Variants in CDKAL1 observed in about 807,000 individuals in gnomAD.
The protein encoded by CDKAL1 is CDKAL1 threonylcarbamoyladenosine tRNA methylthiotransferase, also known as threonylcarbamoyladenosine tRNA methylthiotransferase.
CDKAL1 carries 32 observed loss-of-function variants against 68.2 expected under a neutral mutation model. That is an observed-to-expected ratio of 0.47 (90% CI 0.35 to 0.63). The LOEUF (loss-of-function observed/expected upper bound fraction) is 0.63, where lower values mean the gene tolerates loss of function less well. Ranked by LOEUF, CDKAL1 falls within the 30% of genes least tolerant of loss-of-function variation. The pLI is 0.00. For missense variants in CDKAL1, 606 were observed against 696.7 expected (o/e 0.87, Z 1.47); for synonymous variants, 234 against 244.3 (o/e 0.96, Z 0.39).
intron 13 of CDKAL1, among the ~76,000 whole-genome samples, chr6:21,136,878 G>A (rs927026094): frequency 8.6e-5 from 13 of 152,012 alleles, no homozygotes; most frequent in African/African-American, 2.2e-4. Flanking sequence ...TTCTTTGGAC[G>A]CCTTCTCAAA....
At chr6:20,869,909 G>A (rs1025502732) in intron 9 of CDKAL1, among the ~76,000 whole-genome samples, 1 of 152,074 alleles carries the variant, frequency 6.6e-6, no homozygotes, top group African/African-American at 2.4e-5. Context: ...AAAATAAGAC[G>A]ATCTAGCATC....
rs150432909 is a variant in CDKAL1, at chr6:20,669,723, A to G, written c.371+20346A>G. On this transcript the variant is annotated intron_variant, in intron 5 of 15. Coordinates refer to ENST00000274695, the MANE Select transcript of CDKAL1 (RefSeq NM_017774.3). ...GAGCACTTCCTTATTTCCCGGCACC[A>G]TAAGTTCAGGCTTATCGTGTACTTT... Among the ~76,000 whole-genome samples, 743 of 152,242 alleles carry G rather than the reference A, an allele frequency of 4.9e-3. 5 individuals carry two copies. The highest frequency in any genetic ancestry group is 0.017 in the African/African-American group (696 of 41,552).
intron 12 of CDKAL1, among the ~76,000 whole-genome samples, chr6:21,093,716 T>A (rs1387442435): frequency 3.3e-5 from 4 of 122,920 alleles, no homozygotes; most frequent in African/African-American, 7.2e-5. Flanking sequence ...TTTTTTTTTT[T>A]TTTTTTTTTT....
intron 9 of CDKAL1, among the ~76,000 whole-genome samples, chr6:20,940,479 A>T (rs1763917258): frequency 6.6e-6 from 1 of 152,230 alleles, no homozygotes; most frequent in Non-Finnish European, 1.5e-5. Context: ...AAGCAAAAAG[A>T]TACAGGTTAA....
intron 9 of CDKAL1, among the ~76,000 whole-genome samples, chr6:20,885,669 C>CT (rs1228702174): frequency 1.3e-5 from 2 of 152,142 alleles, no homozygotes; most frequent in Non-Finnish European, 2.9e-5. Context: ...CTTCATCAGA[C>CT]TTTAAACTGT....
chr6:20,566,560 A>T (rs1222613437), intron 4 of CDKAL1, among the ~76,000 whole-genome samples: 1 of 152,212 alleles, frequency 6.6e-6, no homozygotes, highest in East Asian at 1.9e-4. Flanking sequence ...TAAGTACTGT[A>T]AGCTTTTAAT....
chr6:21,140,633 G>A (rs1319552186), intron 13 of CDKAL1, among the ~76,000 whole-genome samples: 6 of 152,114 alleles, frequency 3.9e-5, no homozygotes, highest in Non-Finnish European at 8.8e-5. Context: ...CTGGCATTAC[G>A]CTCCCAGGGG....
chr6:21,147,246 A>C (rs1265936985), intron 13 of CDKAL1, among the ~76,000 whole-genome samples: 1 of 152,228 alleles, frequency 6.6e-6, no homozygotes, highest in Non-Finnish European at 1.5e-5. Flanking sequence ...ATTTAGTATA[A>C]AGAATGCTCA....
intron 12 of CDKAL1, among the ~76,000 whole-genome samples, chr6:21,079,976 C>CTCTG (rs1554171489): frequency 2.2e-5 from 3 of 135,750 alleles, no homozygotes; most frequent in African/African-American, 8.3e-5. Flanking sequence ...AACTTTGTCT[C>CTCTG]TGTGTGTGTG....
chr6:20,677,882 T>C (rs926153433), intron 5 of CDKAL1, among the ~76,000 whole-genome samples: 14 of 152,210 alleles, frequency 9.2e-5, no homozygotes, highest in Admixed American at 9.2e-4. Flanking sequence ...TATTTCTCCT[T>C]TCACCCAAAA....
intron 4 of CDKAL1, among the ~76,000 whole-genome samples, chr6:20,583,264 A>G (rs796112162): frequency 1.3e-5 from 2 of 152,236 alleles, no homozygotes; most frequent in Admixed American, 6.5e-5. Context: ...TTCTGTTTTC[A>G]TAGTATCTTG....
At chr6:20,883,803 A>G (rs938996843) in intron 9 of CDKAL1, among the ~76,000 whole-genome samples, 1 of 152,234 alleles carries the variant, frequency 6.6e-6, no homozygotes, top group Non-Finnish European at 1.5e-5. Context: ...TTACAATAAC[A>G]TGACAGGAGG....
chr6:20,689,405 T>C (rs908318514), intron 5 of CDKAL1, among the ~76,000 whole-genome samples: 5 of 152,212 alleles, frequency 3.3e-5, no homozygotes, highest in African/African-American at 1.2e-4. Context: ...CTCAGGCAAA[T>C]TGTGATTTTT....
chr6:21,134,761 G>A (rs1428358453), intron 13 of CDKAL1, among the ~76,000 whole-genome samples: 1 of 152,056 alleles, frequency 6.6e-6, no homozygotes, highest in African/African-American at 2.4e-5. Flanking sequence ...TATATAAAAT[G>A]TAATGCAGGG....
At chr6:20,989,669 T>G (rs1766686958) in intron 10 of CDKAL1, among the ~76,000 whole-genome samples, 1 of 152,180 alleles carries the variant, frequency 6.6e-6, no homozygotes, top group Non-Finnish European at 1.5e-5. Flanking sequence ...TTTTCTTAAA[T>G]GGAACAAAGG....
At chr6:20,868,980 T>G (rs1035807700) in intron 9 of CDKAL1, among the ~76,000 whole-genome samples, 8 of 152,166 alleles carry the variant, frequency 5.3e-5, no homozygotes, top group African/African-American at 1.9e-4. Flanking sequence ...GGGCTTTGCA[T>G]GTATAGAAGC....
intron 9 of CDKAL1, among the ~76,000 whole-genome samples, chr6:20,865,133 A>G (rs1008053736): frequency 6.6e-6 from 1 of 152,186 alleles, no homozygotes; most frequent in African/African-American, 2.4e-5. Context: ...GTTTTGCTGA[A>G]GCACAGAGAG....
At chr6:20,966,916 T>C (rs1206481232) in intron 10 of CDKAL1, among the ~76,000 whole-genome samples, 1 of 152,184 alleles carries the variant, frequency 6.6e-6, no homozygotes, top group Non-Finnish European at 1.5e-5. Context: ...TTGTTGTTTC[T>C]ATATTCTTCC....
At chr6:20,697,528 G>A (rs1296310989) in intron 5 of CDKAL1, among the ~76,000 whole-genome samples, 1 of 152,060 alleles carries the variant, frequency 6.6e-6, no homozygotes, top group East Asian at 1.9e-4. Flanking sequence ...ATTTTTTCAG[G>A]ACTCTGGTTC....
Sources: gnomAD v4.1 joint callset for allele counts (sites outside exome capture counted in the v4.1 genomes callset) on GRCh38, gnomAD v4.1.1 for gene constraint, MANE v1.5 for transcripts, NCBI Gene and HGNC (gene_info 2026-07-23, HGNC 2026-07-21) for gene names.